MAP3K20: variants seen among roughly 807,000 people sequenced by gnomAD.
The protein encoded by MAP3K20 is HCCS-4.
Under a neutral mutation model 85.7 loss-of-function variants are expected in MAP3K20, and 40 were observed. The ratio of observed to expected loss-of-function variants is 0.47; its 90% CI spans 0.36 to 0.61. The LOEUF is 0.61. Ranked by LOEUF, MAP3K20 falls within the 20% of genes least tolerant of loss-of-function variation. MAP3K20 has a pLI of 0.00. For missense variants in MAP3K20, 817 were observed against 961.7 expected (o/e 0.85, Z 1.99); for synonymous variants, 325 against 327.7 (o/e 0.99, Z 0.09).
Position 173,266,570 on chromosome 2 carries a change from C to T in MAP3K20, c.2223C>T (p.Asn741=). The change falls in exon 20 of 20, where the codon AAC becomes AAT. Residue 741 remains asparagine (N), a synonymous_variant. Transcript: ENST00000375213. ...GCCCCAGGGACCTCCACCAACCCAA[C>T]ACCATACCAGGGATGCCTTTGCACC... ...KRSPRDLHQP[N]TIPGMPLHPE... The T allele has an allele frequency of 6.2e-7, 1 of 1,613,836 alleles. No homozygotes were observed. The highest frequency in any genetic ancestry group is 8.5e-7 in the Non-Finnish European group (1 of 1,179,954).
intron 12 of MAP3K20, 60 bp from the exon 13 acceptor site, chr2:173,232,132 G>A (rs1574140981): frequency 6.2e-7 from 1 of 1,600,780 alleles, no homozygotes; most frequent in East Asian, 2.2e-5. Flanking sequence ...TGTTTACTGT[G>A]AAGACTGGCC....
intron 2 of MAP3K20, among the ~76,000 whole-genome samples, chr2:173,163,962 C>CTT (rs751198103): frequency 2.1e-5 from 3 of 143,688 alleles, no homozygotes; most frequent in Non-Finnish European, 1.5e-5. Context: ...TATTTCTTGA[C>CTT]TTTTTTTTTT....
At chr2:173,199,043 C>T (rs769315749) in intron 8 of MAP3K20, among the ~76,000 whole-genome samples, 6 of 152,190 alleles carry the variant, frequency 3.9e-5, no homozygotes, top group Non-Finnish European at 8.8e-5. Flanking sequence ...ATTTCCAAAT[C>T]TTATCTGTGC....
Position 173,081,508 on chromosome 2 carries a change from AT to A in MAP3K20, c.-35+5508del, listed in dbSNP as rs368127902. On this transcript the variant is annotated intron_variant, in intron 1 of 19. Coordinates refer to ENST00000375213, the MANE Select transcript of MAP3K20 (RefSeq NM_016653.3). ...GCCCAATACTGCATGGGGTAGTGCA[AT>A]TCCATTTTGCTGATAAAAGAATAGG... Among the ~76,000 whole-genome samples, 1,255 of 152,288 alleles carry A rather than the reference AT, an allele frequency of 8.2e-3. 16 individuals carry two copies. Among genetic ancestry groups the A allele is most frequent in the Middle Eastern group, 0.014 (4 of 294 alleles).
intron 2 of MAP3K20, among the ~76,000 whole-genome samples, chr2:173,169,136 G>GAA (rs1424764773): frequency 2.0e-5 from 3 of 152,016 alleles, no homozygotes; most frequent in Admixed American, 6.6e-5. Context: ...CTAACCAACA[G>GAA]AAGTTCAGTC....
chr2:173,181,874 C>A (rs1690339230), intron 3 of MAP3K20, among the ~76,000 whole-genome samples: 1 of 114,716 alleles, frequency 8.7e-6, no homozygotes, highest in East Asian at 2.6e-4. Context: ...CACAGCAAGA[C>A]CTCATCTCTA....
At chr2:173,251,945 T>C (rs1165451242) in intron 16 of MAP3K20, among the ~76,000 whole-genome samples, 1 of 152,228 alleles carries the variant, frequency 6.6e-6, no homozygotes, top group Non-Finnish European at 1.5e-5. Context: ...GTTTTATGTA[T>C]AATGTTGATA....
rs192579381 is a variant in MAP3K20 at position 173,076,934 on chromosome 2, T to A, written c.-35+932T>A. On this transcript the variant is annotated intron_variant, in intron 1 of 19. Transcript: ENST00000375213. ...CATCCGATTGCCTAAAAAATTTTTTTAAAAAGTTATCTCTGTTAGATCGCT... is the reference window on the plus strand; with the variant it reads ...CATCCGATTGCCTAAAAAATTTTTTAAAAAAGTTATCTCTGTTAGATCGCT... 2.6e-3 allele frequency among the ~76,000 whole-genome samples: 400 copies of A among 152,366 alleles called. 4 individuals are homozygous for A. The highest frequency in any genetic ancestry group is 9.2e-3 in the African/African-American group (382 of 41,594).
chr2:173,239,487 T>C lies in MAP3K20; in HGVS notation c.1350T>C (p.Thr450=), dbSNP rs1274097728. 1.2e-6 allele frequency: 2 copies of C among 1,612,054 alleles called. No individual in the cohort carries two copies. The highest frequency in any genetic ancestry group is 2.2e-5 in the East Asian group (1 of 44,842). Residue 450 remains threonine, a synonymous_variant, in exon 16 of 20, where the codon ACT becomes ACC. Coordinates refer to ENST00000375213, the MANE Select transcript of MAP3K20 (RefSeq NM_016653.3). Reference sequence around the variant, plus strand: ...TTGGTTTTCACTTGAAACCAGGAACTGGCCCACAGGTAAATCACATTTTAA... The same window carrying C: ...TTGGTTTTCACTTGAAACCAGGAACCGGCCCACAGGTAAATCACATTTTAA... ...LVFGFHLKPG[T]GPQDCKWKMY...
At position 173,263,822 on chromosome 2, in the gene MAP3K20, G is replaced by T. The variant is rs373393619; in HGVS notation, c.1629G>T (p.Val543=). The T allele has an allele frequency of 3.2e-5, 52 of 1,613,626 alleles. No homozygotes were observed. The African/African-American group carries it at 6.8e-4, about 21-fold the overall frequency. ...QWSRTKPQDE[V]KAVQLAIQTL... is the part of the protein sequence containing the mutation. ...GTAGAACAAAACCTCAGGATGAAGT[G>T]AAAGCAGTCCAACTTGCCATTCAGA... Residue 543 remains valine (V), a synonymous_variant, in exon 19 of 20, where the codon GTG becomes GTT. Coordinates refer to ENST00000375213, the MANE Select transcript of MAP3K20 (RefSeq NM_016653.3).
chr2:173,175,470 G>T lies in MAP3K20; in HGVS notation c.247+5578G>T, dbSNP rs998244431. 2.6e-5 allele frequency among the ~76,000 whole-genome samples: 4 copies of T among 152,156 alleles called. No individual in the cohort carries two copies. In the South Asian group the frequency reaches 6.2e-4, roughly 24 times the overall value. ...AGGGCTGACTAAACTTGATTGAAAC[G>T]TGAGGAACTTTGTGTTTGTAAAAGT... On this transcript the variant is annotated intron_variant, in intron 3 of 19. Coordinates refer to ENST00000375213, the MANE Select transcript of MAP3K20 (RefSeq NM_016653.3).
intron 2 of MAP3K20, among the ~76,000 whole-genome samples, chr2:173,145,427 A>G (rs1689109515): frequency 6.6e-6 from 1 of 152,234 alleles, no homozygotes; most frequent in South Asian, 2.1e-4. Flanking sequence ...GCAAGTCAAT[A>G]TTAAAAAGAT....
intron 2 of MAP3K20, among the ~76,000 whole-genome samples, chr2:173,127,751 T>G (rs1574038125): frequency 1.3e-5 from 2 of 149,244 alleles, no homozygotes; most frequent in Admixed American, 6.7e-5. Context: ...AAAAAAAAAG[T>G]AAGACATAAA....
chr2:173,192,199 CTT>C (rs769519538), intron 7 of MAP3K20, among the ~76,000 whole-genome samples: 9 of 152,254 alleles, frequency 5.9e-5, no homozygotes, highest in East Asian at 1.9e-4. Flanking sequence ...TCGTCCTGAA[CTT>C]CTGTGTTTTC....
chr2:173,132,189 A>T (rs2278883), intron 2 of MAP3K20, among the ~76,000 whole-genome samples: 1 of 151,892 alleles, frequency 6.6e-6, no homozygotes, highest in African/African-American at 2.4e-5. Flanking sequence ...TTCATCTGTC[A>T]TATGGACCTC....
rs898510180 is a variant in MAP3K20 at position 173,203,989 on chromosome 2, A to G, written c.744+119A>G. 47 of 891,004 alleles carry G rather than the reference A, an allele frequency of 5.3e-5. 1 individual carries two copies. The highest frequency in any genetic ancestry group is 4.1e-4 in the South Asian group (28 of 68,756). 55.2% of individuals were successfully genotyped at this position (891,004 alleles called of 1,614,324 possible). A position where few individuals can be genotyped will look rare whatever the true frequency, so the allele number is the denominator to read the frequency against. On this transcript the variant is annotated intron_variant, in intron 9 of 19. Coordinates refer to ENST00000375213, the MANE Select transcript of MAP3K20 (RefSeq NM_016653.3). Reference sequence around the variant, plus strand: ...AAAGCAAAGCTGGATTGATGCTCCTATGAGCCCCAGATTGACTGTTAAGGT... The same window carrying G: ...AAAGCAAAGCTGGATTGATGCTCCTGTGAGCCCCAGATTGACTGTTAAGGT...
At chr2:173,139,775 T>C (rs1045005905) in intron 2 of MAP3K20, among the ~76,000 whole-genome samples, 9 of 152,168 alleles carry the variant, frequency 5.9e-5, no homozygotes, top group Non-Finnish European at 8.8e-5. Context: ...TTCCTAAATA[T>C]TTTATTTTAC....
At chr2:173,160,658 T>G (rs1689631141) in intron 2 of MAP3K20, among the ~76,000 whole-genome samples, 1 of 152,248 alleles carries the variant, frequency 6.6e-6, no homozygotes, top group Non-Finnish European at 1.5e-5. Flanking sequence ...CTAGCTGTTT[T>G]GACGTTATAG....
intron 16 of MAP3K20, among the ~76,000 whole-genome samples, chr2:173,242,262 G>A (rs1266593606): frequency 1.3e-5 from 2 of 150,674 alleles, no homozygotes; most frequent in South Asian, 2.1e-4. Flanking sequence ...TGCAACCTCC[G>A]ACTCCCTGGT....
Sources: allele counts gnomAD v4.1 joint callset (sites outside exome capture counted in the v4.1 genomes callset), GRCh38; gene constraint gnomAD v4.1.1; transcripts MANE v1.5; gene names NCBI Gene and HGNC (gene_info 2026-07-23, HGNC 2026-07-21).